The following SLIT3 variants were observed in gnomAD, a reference collection of about 807,000 sequenced individuals.
SLIT3 encodes slit guidance ligand 3.
A neutral mutation model predicts 184.0 loss-of-function variants in SLIT3; 68 were observed. That is an observed-to-expected ratio of 0.37 (90% CI 0.30 to 0.45). SLIT3 has a LOEUF of 0.45. Ranked by LOEUF, SLIT3 falls within the 20% of genes least tolerant of loss-of-function variation. The probability of loss-of-function intolerance (pLI) is 1.00; values close to 1 mark genes in which losing one functional copy is unlikely to be tolerated. For synonymous variants in SLIT3, 831 were observed against 828.6 expected (o/e 1.00, Z -0.05); for missense variants, 1,707 against 2,026.0 (o/e 0.84, Z 3.02).
chr5:168,996,919 T>C (rs868590539), intron 4 of SLIT3, among the ~76,000 whole-genome samples: 1 of 152,106 alleles, frequency 6.6e-6, no homozygotes, highest in South Asian at 2.1e-4. Context: ...ATGTGGCTCA[T>C]GGTCTATTTA....
intron 4 of SLIT3, among the ~76,000 whole-genome samples, chr5:169,150,941 G>C (rs762148844): frequency 6.6e-6 from 1 of 152,120 alleles, no homozygotes; most frequent in African/African-American, 2.4e-5. Context: ...CCAGTAATTT[G>C]GAAAGATCAA....
intron 4 of SLIT3, among the ~76,000 whole-genome samples, chr5:169,187,869 TAA>T (rs34656361): frequency 6.8e-6 from 1 of 146,626 alleles, no homozygotes. Context: ...GATAAATTCT[TAA>T]AAAAAAAAAA....
chr5:168,804,590 G>C (rs1235394104), intron 9 of SLIT3, among the ~76,000 whole-genome samples: 1 of 152,152 alleles, frequency 6.6e-6, no homozygotes, highest in East Asian at 1.9e-4. Context: ...TTTGTGGAAA[G>C]GAAGGTGGAG....
At chr5:169,174,169 G>T (rs937108798) in intron 4 of SLIT3, among the ~76,000 whole-genome samples, 2 of 152,160 alleles carry the variant, frequency 1.3e-5, no homozygotes, top group Non-Finnish European at 2.9e-5. Context: ...CTGAGCCTGG[G>T]GTCTTTCGGG....
At chr5:169,096,494 A>G (rs1297398228) in intron 4 of SLIT3, among the ~76,000 whole-genome samples, 1 of 152,258 alleles carries the variant, frequency 6.6e-6, no homozygotes, top group African/African-American at 2.4e-5. Flanking sequence ...TGTGCCTGAA[A>G]AGCAGCCATA....
chr5:168,753,829 TG>T (rs1561912190), intron 17 of SLIT3, 34 bp downstream of exon 17: 1 of 1,600,456 alleles, frequency 6.2e-7, no homozygotes, highest in Admixed American at 1.7e-5. Context: ...CGTCTCCCTC[TG>T]GGTCTTGGCC....
Position 169,300,711 on chromosome 5 carries a change from G to A in SLIT3, c.-2C>T. ...GACCCCTGCCCACCCGGGGGCCATG[G>A]TGTGCAGGGCCCCGCTCCTGGAGGA... On this transcript the variant is annotated 5_prime_UTR_variant, in exon 1 of 36. Transcript: ENST00000519560. The surrounding 1 kb of genome is among the most constrained non-coding windows in gnomAD (Gnocchi z 4.1). The A allele has an allele frequency of 2.2e-6, 3 of 1,361,526 alleles. No individual in the cohort carries two copies. The highest frequency in any genetic ancestry group is 3.1e-5 in the African/African-American group (2 of 65,272). The allele number at this position is 1,361,526 out of a possible 1,614,324, so 84.3% of individuals were successfully genotyped here.
intron 4 of SLIT3, among the ~76,000 whole-genome samples, chr5:169,166,421 G>A (rs1323087683): frequency 6.6e-6 from 1 of 152,178 alleles, no homozygotes; most frequent in Non-Finnish European, 1.5e-5. Context: ...AGCAATGGGG[G>A]AGTGGGCTGA....
intron 1 of SLIT3, chr5:169,263,702 C>A (rs1436588510): frequency 2.0e-6 from 1 of 510,192 alleles, no homozygotes. Context: ...CCACACTCCC[C>A]CTGCAGCCTC....
intron 4 of SLIT3, among the ~76,000 whole-genome samples, chr5:169,166,422 A>G (rs1762639769): frequency 6.6e-6 from 1 of 152,064 alleles, no homozygotes; most frequent in South Asian, 2.1e-4. Context: ...GCAATGGGGG[A>G]GTGGGCTGAG....
At position 168,774,340 on chromosome 5, in the gene SLIT3, T is replaced by A; in HGVS notation, c.1190A>T (p.Asn397Ile). 6.2e-7 allele frequency: 1 copy of A among 1,614,004 alleles called. No individual in the cohort carries two copies. The highest frequency in any genetic ancestry group is 2.2e-5 in the East Asian group (1 of 44,874). Residue 397 changes from asparagine (N) to isoleucine (I), a missense_variant, in exon 13 of 36, where the codon AAC becomes ATC. Physicochemically the swap from Asn to Ile is moderately radical, Grantham distance 149. Around this residue, in one of 3 missense-constraint regions of SLIT3, gnomAD observed 1,307 missense variants for 1,511.6 expected, o/e 0.86. Coordinates refer to ENST00000519560, the MANE Select transcript of SLIT3 (RefSeq NM_003062.4). Reference protein sequence around the residue: ...NANKINCLRVNTFQDLQNLNL... With the variant: ...NANKINCLRVITFQDLQNLNL... ...GAGGTTCTGCAGGTCCTGAAACGTG[T>A]TCACCCGCAGGCAGTTGATCTTGTT... is the stretch of plus-strand genomic sequence containing the variant.
chr5:168,826,335 C>T (rs1243877636), intron 6 of SLIT3, among the ~76,000 whole-genome samples: 8 of 152,186 alleles, frequency 5.3e-5, no homozygotes, highest in African/African-American at 1.4e-4. Context: ...ACCTCTCAGA[C>T]GCTGATTGCT....
intron 4 of SLIT3, among the ~76,000 whole-genome samples, chr5:169,131,717 C>T (rs543151691): frequency 2.4e-4 from 37 of 152,196 alleles, no homozygotes; most frequent in Non-Finnish European, 5.1e-4. Flanking sequence ...CCTTGGCTGA[C>T]TCTGTGGCTT....
chr5:168,989,774 G>A (rs1755256222), intron 4 of SLIT3, among the ~76,000 whole-genome samples: 1 of 152,124 alleles, frequency 6.6e-6, no homozygotes, highest in South Asian at 2.1e-4. Context: ...CAGAGATCTG[G>A]ATTTTCACCC....
At chr5:168,958,279 T>C (rs112704410) in intron 4 of SLIT3, among the ~76,000 whole-genome samples, 141 of 152,330 alleles carry the variant, frequency 9.3e-4, no homozygotes, top group African/African-American at 2.8e-3. Flanking sequence ...TCATTATACA[T>C]GCACATCAGT....
chr5:168,777,909 T>C lies in SLIT3; in HGVS notation c.1152-3531A>G, dbSNP rs1476175857. On this transcript the variant is annotated intron_variant, in intron 12 of 35. Coordinates refer to ENST00000519560, the MANE Select transcript of SLIT3 (RefSeq NM_003062.4). The stretch of plus-strand genomic sequence containing the variant: ...TCCATGAAAGGAGCTCTTAGCTATC[T>C]GGTACATGGACAAGAGTTGGAGGGG... Among the ~76,000 whole-genome samples, 3 of 152,358 alleles carry C rather than the reference T, an allele frequency of 2.0e-5. No individual in the cohort carries two copies. The East Asian group carries it at 5.8e-4, about 29-fold the overall frequency.
chr5:169,098,718 G>A (rs1020682545), intron 4 of SLIT3, among the ~76,000 whole-genome samples: 5 of 152,212 alleles, frequency 3.3e-5, no homozygotes, highest in African/African-American at 2.4e-5. Flanking sequence ...TTCTGATGAA[G>A]ACGTCATTTG....
At position 168,753,902 on chromosome 5, in the gene SLIT3, G is replaced by A. The variant is rs775923156; in HGVS notation, c.1791C>T (p.His597=). The part of the protein sequence containing the change: ...MLTGNQLETV[H]GRVFRGLSGL... ...CACTGAGGCCACGGAACACGCGCCC[G>A]TGCACGGTCTCCAGCTGGTTCCCTG... The change falls in exon 17 of 36, where the codon CAC becomes CAT. Residue 597 remains histidine (H), a synonymous_variant. Coordinates refer to ENST00000519560, the MANE Select transcript of SLIT3 (RefSeq NM_003062.4). 33 of 1,611,890 alleles carry A rather than the reference G, an allele frequency of 2.0e-5. No individual in the cohort carries two copies. The highest frequency in any genetic ancestry group is 1.6e-4 in the South Asian group (15 of 91,048).
At chr5:169,037,191 G>A (rs746901152) in intron 4 of SLIT3, among the ~76,000 whole-genome samples, 8 of 152,202 alleles carry the variant, frequency 5.3e-5, no homozygotes, top group Non-Finnish European at 1.2e-4. Context: ...ACTCCTGTGA[G>A]ATACACAAGA....
Sources: allele counts gnomAD v4.1 joint callset (sites outside exome capture counted in the v4.1 genomes callset), GRCh38; gene constraint gnomAD v4.1.1; regional missense constraint gnomAD v4.1.1; non-coding constraint Gnocchi (gnomAD v3.1); transcripts MANE v1.5; gene names NCBI Gene and HGNC (gene_info 2026-07-23, HGNC 2026-07-21).